The following CLSTN3 variants were observed in gnomAD, a reference collection of about 807,000 sequenced individuals.
CLSTN3 encodes calsyntenin 3.
In CLSTN3, 36 loss-of-function variants were observed where a neutral mutation model predicts 95.9. That is an observed-to-expected ratio of 0.38 (90% confidence interval 0.29 to 0.50). CLSTN3 has a LOEUF of 0.50. Ranked by LOEUF, CLSTN3 falls within the 20% of genes least tolerant of loss-of-function variation. The pLI is 0.95. For synonymous variants in CLSTN3, 481 were observed against 504.0 expected, an observed-to-expected ratio of 0.95 and a Z score of 0.61; for missense variants, 1,084 against 1,268.8, an observed-to-expected ratio of 0.85 and a Z score of 2.21.
At chr12:7,143,843 T>C (rs975841511) in intron 12 of CLSTN3, among the ~76,000 whole-genome samples, 4 of 152,230 alleles carry the variant, frequency 2.6e-5, no homozygotes, top group African/African-American at 9.6e-5. Context: ...ATTCATTGCA[T>C]ATGTCTATGG....
Position 7,149,016 on chromosome 12 carries a change from G to T in CLSTN3, c.1892G>T (p.Gly631Val). The T allele has an allele frequency of 1.2e-6, 2 of 1,614,162 alleles. No homozygotes were observed. Among genetic ancestry groups the T allele is most frequent in the Non-Finnish European group, 1.7e-6 (2 of 1,180,022 alleles). The change falls in exon 13 of 18, where the codon GGC becomes GTC. Residue 631 changes from glycine (G) to valine (V), a missense_variant. Physicochemically the swap from Gly to Val is moderately radical, Grantham distance 109 (BLOSUM62 -3). Transcript: ENST00000266546. This position sits in a 1 kb window ranked among gnomAD's most constrained non-coding sequence, Gnocchi z 4.5. ...TGCGTCTCCATCCCTGAAGTGGAGG[G>T]CTACGTGGTCGTCCTTCAGCCTGAC... is the stretch of plus-strand genomic sequence containing the variant. Reference protein sequence around the residue: ...ESCVSIPEVEGYVVVLQPDAP... With the variant: ...ESCVSIPEVEVYVVVLQPDAP...
At chr12:7,148,464 A>T (rs1275816746) in intron 12 of CLSTN3, among the ~76,000 whole-genome samples, 2 of 152,174 alleles carry the variant, frequency 1.3e-5, no homozygotes, top group Non-Finnish European at 2.9e-5. Context: ...TTTCCCCGAT[A>T]TTGAAGGGAA....
rs768487238 is a variant in CLSTN3, at chr12:7,137,795, T to TGTGTGAGAGAGA, written c.1211-159_1211-158insTGTGAGAGAGAG. On this transcript the variant is annotated intron_variant, in intron 7 of 17. Transcript: ENST00000266546. This position sits in a 1 kb window ranked among gnomAD's most constrained non-coding sequence, Gnocchi z 4.4. ...GTGTGTGTGTGTGTGTGTGTGTGTG[T>TGTGTGAGAGAGA]GAGAGAGAGAGAGAGAGAGAGAGAG... 2.3e-3 allele frequency among the ~76,000 whole-genome samples: 164 copies of TGTGTGAGAGAGA among 70,658 alleles called. 2 individuals carry two copies. The highest frequency in any genetic ancestry group is 2.6e-3 in the Non-Finnish European group (98 of 37,350). The allele number at this position is 70,658 out of a possible 152,430, so 46.4% of individuals were successfully genotyped here.
rs376245046 is a variant in CLSTN3 at position 7,133,356 on chromosome 12, A to G, written c.187+210A>G. On this transcript the variant is annotated intron_variant, in intron 2 of 17. Transcript: ENST00000266546. The surrounding 1 kb of genome is among the most constrained non-coding windows in gnomAD (Gnocchi z 4.7). Reference sequence around the variant, plus strand: ...ACATGGCCAGGCAAGGGTTAAACACATCATGATTTTGTCAGATCTCAGGTC... The same window carrying G: ...ACATGGCCAGGCAAGGGTTAAACACGTCATGATTTTGTCAGATCTCAGGTC... 3.4e-3 allele frequency among the ~76,000 whole-genome samples: 515 copies of G among 152,306 alleles called. 3 individuals carry two copies. Among genetic ancestry groups the G allele is most frequent in the African/African-American group, 0.011 (468 of 41,560 alleles).
In CLSTN3 at chr12:7,133,695, G is replaced by A; in HGVS notation, c.310G>A (p.Glu104Lys). ...KEPVDCEAQK[E>K]HTFTIQAYDC... ...GCCTGTGGACTGCGAGGCCCAGAAG[G>A]AACACACCTTCACCATCCAGGCCTA... is the stretch of plus-strand genomic sequence containing the variant. Residue 104 changes from glutamate to lysine, a missense_variant, in exon 3 of 18, where the codon GAA becomes AAA. Glu to Lys is a moderately conservative substitution (Grantham distance 56). Transcript: ENST00000266546. This position sits in a 1 kb window ranked among gnomAD's most constrained non-coding sequence, Gnocchi z 4.7. 6.2e-7 allele frequency: 1 copy of A among 1,613,934 alleles called. No individual in the cohort carries two copies. Among genetic ancestry groups the A allele is most frequent in the East Asian group, 2.2e-5 (1 of 44,876 alleles).
In CLSTN3 at chr12:7,150,734, A is replaced by G. The variant is rs375659883; in HGVS notation, c.2391+45A>G. The G allele has an allele frequency of 5.0e-6, 8 of 1,601,346 alleles. No homozygotes were observed. Among genetic ancestry groups the G allele is most frequent in the Non-Finnish European group, 6.8e-6 (8 of 1,169,840 alleles). ...CCTTCCACAGTTACCCACCCCCAGA[A>G]AGGAGCTGAGGTGGCATGGACTCAA... On this transcript the variant is annotated intron_variant, in intron 15 of 17. Coordinates refer to ENST00000266546, the MANE Select transcript of CLSTN3 (RefSeq NM_014718.4). The surrounding 1 kb of genome is among the most constrained non-coding windows in gnomAD (Gnocchi z 4.0).
Position 7,130,417 on chromosome 12 carries a change from T to TG in CLSTN3, c.-229dup. The TG allele has an allele frequency of 1.4e-6, 2 of 1,436,082 alleles. No individual in the cohort carries two copies. Among genetic ancestry groups the TG allele is most frequent in the South Asian group, 1.4e-5 (1 of 69,804 alleles). The allele number at this position is 1,436,082 out of a possible 1,614,324, so 89.0% of individuals were successfully genotyped here. A position where few individuals can be genotyped will look rare whatever the true frequency, so the allele number is the denominator to read the frequency against. On this transcript the variant is annotated 5_prime_UTR_variant, in exon 1 of 18. Coordinates refer to ENST00000266546, the MANE Select transcript of CLSTN3 (RefSeq NM_014718.4). ...GGTGGGAGTGAGAGAGTGAGGACGCTGGGCTGGGGGAAACGGGAAGCCGCT... is the reference window on the plus strand; with the variant it reads ...GGTGGGAGTGAGAGAGTGAGGACGCTGGGGCTGGGGGAAACGGGAAGCCGCT...
rs1325066032 is a variant in CLSTN3, at chr12:7,141,449, G to C, written c.1486+45G>C. The C allele has an allele frequency of 6.2e-7, 1 of 1,610,168 alleles. No individual in the cohort carries two copies. Among genetic ancestry groups the C allele is most frequent in the Non-Finnish European group, 8.5e-7 (1 of 1,176,836 alleles). ...CTCCAGTGGTTCAGGATTTGGGAAG[G>C]GAGGTAGGCTGGTGAGGAGCAAGGG... is the stretch of plus-strand genomic sequence containing the variant. On this transcript the variant is annotated intron_variant, in intron 9 of 17. Coordinates refer to ENST00000266546, the MANE Select transcript of CLSTN3 (RefSeq NM_014718.4). The surrounding 1 kb of genome is among the most constrained non-coding windows in gnomAD (Gnocchi z 4.1).
In CLSTN3 at chr12:7,152,426, C is replaced by T. The variant is rs527727156; in HGVS notation, c.2527+1363C>T. ...ACTCAACTTCATCACCCAGTTTTGC[C>T]AAAGTTGAATCTGGATATAATTTTA... On this transcript the variant is annotated intron_variant, in intron 16 of 17. Coordinates refer to ENST00000266546, the MANE Select transcript of CLSTN3 (RefSeq NM_014718.4). Among the ~76,000 whole-genome samples, 8 of 152,030 alleles carry T rather than the reference C, an allele frequency of 5.3e-5. No homozygotes were observed. In the South Asian group the frequency reaches 1.7e-3, roughly 32 times the overall value.
At position 7,157,589 on chromosome 12, in the gene CLSTN3, C is replaced by G; in HGVS notation, c.2628C>G (p.Arg876=). ...GLVRIHSLHR[R]VSGAGGPPGA... ...TGCGCATCCATTCCCTTCACCGCCG[C>G]GTCTCAGGGGCCGGCGGGCCTCCAG... The change falls in exon 17 of 18, where the codon CGC becomes CGG. Residue 876 remains arginine (R), a synonymous_variant. Transcript: ENST00000266546. This position sits in a 1 kb window ranked among gnomAD's most constrained non-coding sequence, Gnocchi z 5.9. 4 of 1,613,442 alleles carry G rather than the reference C, an allele frequency of 2.5e-6. No individual in the cohort carries two copies. Among genetic ancestry groups the G allele is most frequent in the Non-Finnish European group, 3.4e-6 (4 of 1,179,750 alleles).
intron 12 of CLSTN3, among the ~76,000 whole-genome samples, chr12:7,147,465 C>T (rs1939639068): frequency 6.8e-6 from 1 of 147,472 alleles, no homozygotes; most frequent in South Asian, 2.2e-4. Flanking sequence ...TAAGCCTAGA[C>T]TCTGGTTTAA....
In CLSTN3 at chr12:7,133,296, A is replaced by G. The variant is rs1277878523; in HGVS notation, c.187+150A>G. ...TCAAGGAGGGGAATGGTCTCCACTG[A>G]AGAATGGAGATTGAGTCAAGGATGC... On this transcript the variant is annotated intron_variant, in intron 2 of 17. Coordinates refer to ENST00000266546, the MANE Select transcript of CLSTN3 (RefSeq NM_014718.4). This position sits in a 1 kb window ranked among gnomAD's most constrained non-coding sequence, Gnocchi z 4.7. The G allele has an allele frequency of 3.9e-6, 4 of 1,029,636 alleles. No homozygotes were observed. Among genetic ancestry groups the G allele is most frequent in the Non-Finnish European group, 5.6e-6 (4 of 709,398 alleles). The allele number at this position is 1,029,636 out of a possible 1,614,324, so 63.8% of individuals were successfully genotyped here.
At chr12:7,154,113 G>T (rs1055235045) in intron 16 of CLSTN3, among the ~76,000 whole-genome samples, 1 of 152,180 alleles carries the variant, frequency 6.6e-6, no homozygotes, top group Non-Finnish European at 1.5e-5. Flanking sequence ...TGAGGGCACT[G>T]GTGATTGGCA....
Position 7,141,413 on chromosome 12 carries a change from C to T in CLSTN3, c.1486+9C>T, listed in dbSNP as rs1939524387. 6.2e-7 allele frequency: 1 copy of T among 1,614,142 alleles called. No homozygotes were observed. On this transcript the variant is annotated intron_variant, in intron 9 of 17. Coordinates refer to ENST00000266546, the MANE Select transcript of CLSTN3 (RefSeq NM_014718.4). This position sits in a 1 kb window ranked among gnomAD's most constrained non-coding sequence, Gnocchi z 4.1. ...TGGGGCCTGCTGGACTGGTAAGCTT[C>T]TCAGTGAAGACTCCAGTGGTTCAGG...
At chr12:7,129,570 C>T, upstream of CLSTN3, 3 of 974,826 alleles carry the variant, frequency 3.1e-6, no homozygotes, top group Non-Finnish European at 3.7e-6. This position sits in a 1 kb window ranked among gnomAD's most constrained non-coding sequence, Gnocchi z 5.5. Context: ...TTTTCTCTCC[C>T]TCTGAGTCAT....
Position 7,136,358 on chromosome 12 carries a change from A to G in CLSTN3, c.895A>G (p.Asn299Asp). ...SHVAKGCDRDNYSERALRKLC... is the reference protein window; with the variant it reads ...SHVAKGCDRDDYSERALRKLC... ...TGTGGCCAAGGGCTGTGACCGTGAC[A>G]ACTACTCAGAGCGGGCGCTGCGGAA... The change falls in exon 6 of 18, where the codon AAC (asparagine) becomes GAC (aspartate). Residue 299 changes from asparagine (N) to aspartate (D), a missense_variant. By Grantham distance (23) the Asn-to-Asp change is conservative. Coordinates refer to ENST00000266546, the MANE Select transcript of CLSTN3 (RefSeq NM_014718.4). The G allele has an allele frequency of 6.2e-7, 1 of 1,614,050 alleles. No individual in the cohort carries two copies. The highest frequency in any genetic ancestry group is 8.5e-7 in the Non-Finnish European group (1 of 1,179,956).
intron 8 of CLSTN3, 46 bp downstream of exon 8, chr12:7,138,113 C>T: frequency 6.9e-7 from 1 of 1,455,430 alleles, no homozygotes; most frequent in East Asian, 2.3e-5. Context: ...AGATGTGACT[C>T]ACTTTTAGGA....
rs758909680 is a variant in CLSTN3, at chr12:7,157,835, G to T, written c.2731-106G>T. On this transcript the variant is annotated intron_variant, in intron 17 of 17. Coordinates refer to ENST00000266546, the MANE Select transcript of CLSTN3 (RefSeq NM_014718.4). The surrounding 1 kb of genome is among the most constrained non-coding windows in gnomAD (Gnocchi z 5.9). Reference sequence around the variant, plus strand: ...AGGGAGAGAGGTTCAGGCAGGGAAGGGGGTACACAGGGGTTAAGGGGACCG... The same window carrying T: ...AGGGAGAGAGGTTCAGGCAGGGAAGTGGGTACACAGGGGTTAAGGGGACCG... 21 of 1,506,390 alleles carry T rather than the reference G, an allele frequency of 1.4e-5. No homozygotes were observed. Among genetic ancestry groups the T allele is most frequent in the Admixed American group, 6.0e-5 (3 of 50,154 alleles). The allele number at this position is 1,506,390 out of a possible 1,614,324, so 93.3% of individuals were successfully genotyped here.
intron 16 of CLSTN3, among the ~76,000 whole-genome samples, chr12:7,153,301 T>C (rs1222345681): frequency 1.3e-5 from 2 of 152,156 alleles, no homozygotes; most frequent in Non-Finnish European, 2.9e-5. Context: ...CATGCCACTA[T>C]GCCTGGCTAT....
Sources: allele counts gnomAD v4.1 joint callset (sites outside exome capture counted in the v4.1 genomes callset), GRCh38; gene constraint gnomAD v4.1.1; non-coding constraint Gnocchi (gnomAD v3.1); transcripts MANE v1.5; gene names NCBI Gene and HGNC (gene_info 2026-07-23, HGNC 2026-07-21).